The following ZNF407 variants were observed in gnomAD, a reference collection of about 807,000 sequenced individuals.
ZNF407 encodes the protein zinc finger protein 407.
Under a neutral mutation model 131.2 loss-of-function variants are expected in ZNF407, and 17 were observed. That is an observed-to-expected ratio of 0.13 (90% CI 0.09 to 0.19). The LOEUF (loss-of-function observed/expected upper bound fraction) is 0.19. Ranked by LOEUF, ZNF407 falls within the 10% of genes least tolerant of loss-of-function variation. The probability of loss-of-function intolerance (pLI) is 1.00; values close to 1 mark genes in which losing one functional copy is unlikely to be tolerated. For synonymous variants in ZNF407, 1,156 were observed against 1,062.0 expected, an observed-to-expected ratio of 1.09 and a Z score of -1.72; for missense variants, 2,681 against 2,830.6, an observed-to-expected ratio of 0.95 and a Z score of 1.20.
intron 1 of ZNF407, among the ~76,000 whole-genome samples, chr18:74,603,447 A>G (rs1982668749): frequency 2.0e-5 from 3 of 152,248 alleles, no homozygotes; most frequent in African/African-American, 7.2e-5. Flanking sequence ...GAAAGTGCCC[A>G]TTCTTTTAAT....
In ZNF407 at chr18:74,632,686, A is replaced by G. The variant is rs767893903; in HGVS notation, c.1667A>G (p.Lys556Arg). 6.2e-7 allele frequency: 1 copy of G among 1,614,020 alleles called. No individual in the cohort carries two copies. Among genetic ancestry groups the G allele is most frequent in the Admixed American group, 1.7e-5 (1 of 60,028 alleles). ...HVKRCHAREM[K>R]FYCRTCDFSS... ...AAAAGGTGCCATGCCAGAGAGATGA[A>G]ATTTTACTGCCGTACTTGTGACTTC... Residue 556 changes from lysine (K) to arginine (R), a missense_variant, in exon 2 of 9, where the codon AAA (lysine) becomes AGA (arginine). Around this residue, in one of 6 missense-constraint regions of ZNF407, gnomAD observed 1,789 missense variants for 1,748.7 expected, o/e 1.02. Coordinates refer to ENST00000299687, the MANE Select transcript of ZNF407 (RefSeq NM_017757.3).
At chr18:74,889,042 T>C (rs1483624548) in intron 6 of ZNF407, among the ~76,000 whole-genome samples, 13 of 152,178 alleles carry the variant, frequency 8.5e-5, no homozygotes, top group Admixed American at 8.5e-4. Context: ...TTTAGATGTG[T>C]TTAGTTATAC....
chr18:75,040,398 A>T (rs1973359353), intron 8 of ZNF407, among the ~76,000 whole-genome samples: 1 of 152,216 alleles, frequency 6.6e-6, no homozygotes, highest in African/African-American at 2.4e-5. Context: ...TACTAAAAAA[A>T]GATACTGGGT....
chr18:74,753,288 A>T (rs1216668680), intron 3 of ZNF407, among the ~76,000 whole-genome samples: 1 of 151,878 alleles, frequency 6.6e-6, no homozygotes, highest in Non-Finnish European at 1.5e-5. Context: ...TAAATATACA[A>T]TCATGTCATC....
rs1431751886 is a variant in ZNF407, at chr18:74,835,627, GGGGTGTGT to G, written c.4878-41568_4878-41561del. Reference sequence around the variant, plus strand: ...TGTGAGTTTGTGTCTTGGACAGAGGGGGGTGTGTGTGTGTGTGTGTGTGTGTGTGTGTG... The same window carrying G: ...TGTGAGTTTGTGTCTTGGACAGAGGGGTGTGTGTGTGTGTGTGTGTGTGTG... On this transcript the variant is annotated intron_variant, in intron 4 of 8. Transcript: ENST00000299687. 9.1e-3 allele frequency among the ~76,000 whole-genome samples: 1,066 copies of G among 117,466 alleles called. 4 individuals carry two copies. The highest frequency in any genetic ancestry group is 0.049 in the Middle Eastern group (12 of 244). The allele number at this position is 117,466 out of a possible 152,430, so 77.1% of individuals were successfully genotyped here.
intron 8 of ZNF407, among the ~76,000 whole-genome samples, chr18:74,984,374 A>G (rs1210648923): frequency 1.3e-5 from 2 of 152,238 alleles, no homozygotes; most frequent in Non-Finnish European, 2.9e-5. Flanking sequence ...GCCAAAAACT[A>G]TTCTAAAATT....
At chr18:74,876,053 T>G (rs1455438913) in intron 4 of ZNF407, among the ~76,000 whole-genome samples, 1 of 152,210 alleles carries the variant, frequency 6.6e-6, no homozygotes, top group Non-Finnish European at 1.5e-5. Flanking sequence ...CCTGGGATTC[T>G]TTATCAGCCC....
chr18:74,741,942 A>T (rs1300720505), intron 3 of ZNF407, among the ~76,000 whole-genome samples: 1 of 152,230 alleles, frequency 6.6e-6, no homozygotes, highest in Non-Finnish European at 1.5e-5. Flanking sequence ...TAAAGTTTAC[A>T]AAGGAAAACC....
At chr18:74,604,012 G>A (rs1982692163) in intron 1 of ZNF407, among the ~76,000 whole-genome samples, 1 of 152,178 alleles carries the variant, frequency 6.6e-6, no homozygotes. Flanking sequence ...ATGAGTGCAT[G>A]TAACATCCAA....
At chr18:74,900,598 A>T (rs557211829) in intron 7 of ZNF407, among the ~76,000 whole-genome samples, 29 of 152,192 alleles carry the variant, frequency 1.9e-4, no homozygotes, top group Non-Finnish European at 4.0e-4. Context: ...TTAAACTGCG[A>T]CATCTTTTCT....
chr18:74,709,362 T>C (rs906831168), intron 3 of ZNF407, among the ~76,000 whole-genome samples: 1 of 152,224 alleles, frequency 6.6e-6, no homozygotes. Flanking sequence ...AAATCCATAA[T>C]GTATCTTCTT....
At chr18:74,889,401 T>C (rs1971354850) in intron 6 of ZNF407, among the ~76,000 whole-genome samples, 1 of 152,218 alleles carries the variant, frequency 6.6e-6, no homozygotes, top group Admixed American at 6.5e-5. Context: ...GGGTCCTCTT[T>C]TTACTCGGCT....
intron 1 of ZNF407, among the ~76,000 whole-genome samples, chr18:74,619,107 ACT>A (rs1170915768): frequency 6.6e-6 from 1 of 152,204 alleles, no homozygotes; most frequent in African/African-American, 2.4e-5. Context: ...TTTTGGAAGT[ACT>A]ATTTTTTTCC....
chr18:75,045,103 T>G (rs1973418850), intron 8 of ZNF407, among the ~76,000 whole-genome samples: 1 of 144,738 alleles, frequency 6.9e-6, no homozygotes, highest in African/African-American at 2.6e-5. Flanking sequence ...GGGTGGGGTG[T>G]GTGTGCTTGG....
At chr18:74,808,016 C>T (rs1970138420) in intron 4 of ZNF407, among the ~76,000 whole-genome samples, 1 of 151,346 alleles carries the variant, frequency 6.6e-6, no homozygotes, top group African/African-American at 2.4e-5. Context: ...CAGCACCTCA[C>T]ATTTTTTTTT....
chr18:74,665,101 T>C (rs941208561), intron 3 of ZNF407, among the ~76,000 whole-genome samples: 5 of 152,250 alleles, frequency 3.3e-5, no homozygotes, highest in African/African-American at 1.2e-4. Flanking sequence ...AAGCAAATAG[T>C]GAACAGTAAA....
chr18:75,022,843 A>G (rs1005610465), intron 8 of ZNF407, among the ~76,000 whole-genome samples: 7 of 152,136 alleles, frequency 4.6e-5, no homozygotes, highest in Admixed American at 2.6e-4. Flanking sequence ...TATACCCCAA[A>G]GAATATAAAT....
intron 3 of ZNF407, among the ~76,000 whole-genome samples, chr18:74,662,040 AT>A (rs80024495): frequency 0.015 from 2,072 of 136,818 alleles, 31 homozygotes; most frequent in African/African-American, 0.041. Flanking sequence ...TAAAGATGGG[AT>A]TTTTTTTTTT....
At chr18:74,821,162 A>G (rs1405964290) in intron 4 of ZNF407, among the ~76,000 whole-genome samples, 1 of 151,856 alleles carries the variant, frequency 6.6e-6, no homozygotes, top group Non-Finnish European at 1.5e-5. Context: ...TGTGTTTGTC[A>G]TTAAAAATAA....
Sources: gnomAD v4.1 joint callset for allele counts (sites outside exome capture counted in the v4.1 genomes callset) on GRCh38, gnomAD v4.1.1 for gene constraint, gnomAD v4.1.1 regional missense constraint, MANE v1.5 for transcripts, NCBI Gene and HGNC (gene_info 2026-07-23, HGNC 2026-07-21) for gene names.